The following FRMPD4 variants were observed in gnomAD, a reference collection of about 807,000 sequenced individuals.
FRMPD4 encodes the protein FERM and PDZ domain-containing protein 4.
Under a neutral mutation model 94.1 loss-of-function variants are expected in FRMPD4, and 22 were observed. The ratio of observed to expected loss-of-function variants is 0.23; its 90% CI spans 0.17 to 0.33. FRMPD4 has a LOEUF of 0.33. Among genes scored for constraint, FRMPD4 ranks in the 10% least tolerant of loss-of-function variants. The pLI, the probability that FRMPD4 is intolerant of heterozygous loss-of-function variation, is 1.00. For synonymous variants in FRMPD4, 631 were observed against 548.6 expected, an observed-to-expected ratio of 1.15 and a Z score of -2.10; for missense variants, 1,111 against 1,339.9, an observed-to-expected ratio of 0.83 and a Z score of 2.67.
intron 3 of FRMPD4, among the ~76,000 whole-genome samples, chrX:12,078,566 G>C (rs187608917): frequency 8.9e-6 from 1 of 112,064 alleles, no homozygotes; most frequent in African/African-American, 3.2e-5. Flanking sequence ...GAAAATAATT[G>C]TAAAGGTATC....
intron 1 of FRMPD4, among the ~76,000 whole-genome samples, chrX:12,270,525 T>A (rs769573248): frequency 4.7e-4 from 53 of 111,851 alleles, no homozygotes; most frequent in African/African-American, 1.6e-3. Flanking sequence ...GTGTCAAGAA[T>A]AGAAGTTTAC....
At chrX:12,567,294 A>G (rs183380787) in intron 2 of FRMPD4, among the ~76,000 whole-genome samples, 1 of 112,169 alleles carries the variant, frequency 8.9e-6, no homozygotes, top group East Asian at 2.8e-4. Context: ...TCCCAGAGCC[A>G]CTTGGATTTA....
chrX:12,639,302 A>G (rs1054849794), intron 4 of FRMPD4, among the ~76,000 whole-genome samples: 3 of 112,461 alleles, frequency 2.7e-5, no homozygotes, highest in Admixed American at 1.9e-4. Context: ...AATATTCAAT[A>G]TCTCTTGTGG....
At chrX:11,845,400 C>G (rs113499260) in intron 1 of FRMPD4, among the ~76,000 whole-genome samples, 4 of 111,058 alleles carry the variant, frequency 3.6e-5, no homozygotes, top group Non-Finnish European at 5.7e-5. Context: ...GCTTACCAAC[C>G]AAAAAGAGTC....
chrX:12,705,220 AAGAG>A (rs1166205074), intron 11 of FRMPD4, among the ~76,000 whole-genome samples: 1 of 112,189 alleles, frequency 8.9e-6, no homozygotes, highest in Admixed American at 9.4e-5. Context: ...TTCATTAAGT[AAGAG>A]AAACACAAAG....
At chrX:12,482,443 T>C (rs932068495) in intron 1 of FRMPD4, among the ~76,000 whole-genome samples, 14 of 111,793 alleles carry the variant, frequency 1.3e-4, no homozygotes, top group African/African-American at 4.5e-4. Context: ...TTAACAAATA[T>C]ATGTGAGTGC....
rs1245522357 is a variant in FRMPD4 at position 12,473,553 on chromosome X, C to T, written c.42-25127C>T. On this transcript the variant is annotated intron_variant, in intron 1 of 16. Transcript: ENST00000675598. ...TAAACAGTCAAGACCCATCAGTGTG[C>T]TCTATTCAGGAAACCCACCTCATGT... 3.6e-4 allele frequency among the ~76,000 whole-genome samples: 40 copies of T among 109,811 alleles called. 2 individuals carry two copies. In the Admixed American group the frequency reaches 3.7e-3, roughly 10 times the overall value.
chrX:12,141,256 T>G (rs1334153705), intron 1 of FRMPD4, among the ~76,000 whole-genome samples: 1 of 112,003 alleles, frequency 8.9e-6, no homozygotes. Context: ...GTTACTTCAG[T>G]GCTTAAAATT....
intron 1 of FRMPD4, among the ~76,000 whole-genome samples, chrX:12,268,530 A>G (rs751936126): frequency 2.2e-4 from 25 of 111,991 alleles, no homozygotes; most frequent in African/African-American, 7.8e-4. Context: ...GATTTTGAGG[A>G]TCAACTGGGC....
At chrX:12,211,051 G>T (rs988097106) in intron 1 of FRMPD4, among the ~76,000 whole-genome samples, 4 of 112,073 alleles carry the variant, frequency 3.6e-5, no homozygotes, top group Non-Finnish European at 7.5e-5. Context: ...TCATTGCTCT[G>T]GCATTTATTT....
intron 3 of FRMPD4, among the ~76,000 whole-genome samples, chrX:12,097,243 G>T (rs1569157877): frequency 9.0e-6 from 1 of 111,659 alleles, no homozygotes; most frequent in Non-Finnish European, 1.9e-5. Context: ...GAACTGGAAG[G>T]ATCTAACAGC....
intron 3 of FRMPD4, among the ~76,000 whole-genome samples, chrX:11,942,820 T>A (rs1249705437): frequency 8.9e-6 from 1 of 112,027 alleles, no homozygotes; most frequent in Non-Finnish European, 1.9e-5. Context: ...TTTCATCACT[T>A]CAAAAGGAAA....
intron 1 of FRMPD4, among the ~76,000 whole-genome samples, chrX:12,231,054 T>TATATATATATATAAA (rs2057000574): frequency 1.5e-5 from 1 of 66,931 alleles, no homozygotes; most frequent in African/African-American, 5.8e-5. Context: ...ATATAAAATA[T>TATATATATATATAAA]ATATATATAT....
chrX:11,911,716 C>CACAAA lies in FRMPD4; in HGVS notation c.95+33699_95+33700insCAAAA, dbSNP rs759018194. Among the ~76,000 whole-genome samples the CACAAA allele has an allele frequency of 5.4e-4, 60 of 111,941 alleles. 1 individual carries two copies. The East Asian group carries it at 0.015, about 28-fold the overall frequency. On this transcript the variant is annotated intron_variant, in intron 3 of 18. Coordinates refer to the FRMPD4 transcript ENST00000640291. The stretch of plus-strand genomic sequence containing the variant: ...CTGGTGGCAGACATTTTTGTGGACA[C>CACAAA]ATGAAAGGCATCCTTTGGAACATTG...
intron 3 of FRMPD4, among the ~76,000 whole-genome samples, chrX:11,913,751 A>AT (rs767787919): frequency 1.5e-4 from 17 of 112,144 alleles, no homozygotes; most frequent in Non-Finnish European, 3.0e-4. Context: ...ATAAAATCTG[A>AT]TTTTGTTTCA....
chrX:11,975,025 C>A (rs2147383764), intron 3 of FRMPD4, among the ~76,000 whole-genome samples: 1 of 111,895 alleles, frequency 8.9e-6, no homozygotes, highest in Admixed American at 9.4e-5. Flanking sequence ...AGGAGGTCAG[C>A]TTAAGTCAAA....
intron 4 of FRMPD4, among the ~76,000 whole-genome samples, chrX:12,662,608 G>A (rs2059728505): frequency 1.8e-5 from 2 of 112,278 alleles, no homozygotes; most frequent in South Asian, 7.4e-4. Context: ...TCATTGATGG[G>A]CATTTGGGTT....
At chrX:12,035,401 A>G (rs1474014472) in intron 3 of FRMPD4, among the ~76,000 whole-genome samples, 1 of 111,823 alleles carries the variant, frequency 8.9e-6, no homozygotes, top group East Asian at 2.8e-4. Flanking sequence ...TCGGTGATGG[A>G]GTCAAGCTAA....
chrX:12,531,160 A>G (rs2058282186), intron 2 of FRMPD4, among the ~76,000 whole-genome samples: 1 of 112,520 alleles, frequency 8.9e-6, no homozygotes, highest in Non-Finnish European at 1.9e-5. Flanking sequence ...AAATTTCAAG[A>G]AAGAGTAGTT....
Sources: allele counts gnomAD v4.1 joint callset (sites outside exome capture counted in the v4.1 genomes callset), GRCh38; gene constraint gnomAD v4.1.1; transcripts MANE v1.5; gene names NCBI Gene and HGNC (gene_info 2026-07-23, HGNC 2026-07-21).